PNN: variants seen among roughly 807,000 people sequenced by gnomAD.
PNN encodes pinin.
In PNN, 38 loss-of-function variants were observed where a neutral mutation model predicts 76.6. The ratio of observed to expected loss-of-function variants is 0.50; its 90% CI spans 0.38 to 0.65. The LOEUF is 0.65. Among genes scored for constraint, PNN ranks in the 30% least tolerant of loss-of-function variants. The probability of loss-of-function intolerance (pLI) is 0.00; values close to 1 mark genes in which losing one functional copy is unlikely to be tolerated. For synonymous variants in PNN, 366 were observed against 283.7 expected (o/e 1.29, Z -2.91); for missense variants, 873 against 874.1 (o/e 1.00, Z 0.02).
At chr14:39,178,011 C>G (rs913842267) in intron 6 of PNN, 95 bp downstream of exon 6, 1 of 832,690 alleles carries the variant, frequency 1.2e-6, no homozygotes, top group Non-Finnish European at 2.0e-6. Context: ...TCTTTTAAGA[C>G]CTAACTGTAA....
chr14:39,175,759 G>T, intron 1 of PNN: 2 of 469,860 alleles, frequency 4.3e-6, no homozygotes, highest in South Asian at 2.4e-5. Flanking sequence ...ACCCTGCCGG[G>T]ACGCAACAAG....
In PNN at chr14:39,179,435, A is replaced by G. The variant is rs771707085; in HGVS notation, c.766A>G (p.Ile256Val). 38 of 1,612,968 alleles carry G rather than the reference A, an allele frequency of 2.4e-5. No individual in the cohort carries two copies. Among genetic ancestry groups the G allele is most frequent in the South Asian group, 2.3e-4 (21 of 91,012 alleles). The change falls in exon 8 of 9, where the codon ATA (isoleucine) becomes GTA (valine). Residue 256 changes from isoleucine (I) to valine (V), a missense_variant. Physicochemically the swap from Ile to Val is conservative, Grantham distance 29 (BLOSUM62 3). Transcript: ENST00000216832. ...GRMCPATQKL[I>V]EESQRKMNAL... ...AATGTGTCCAGCTACCCAAAAACTA[A>G]TAGAAGAGTCACAGAGAAAAATGAA...
rs2053249398 is a variant in PNN at position 39,178,838 on chromosome 14, A to G, written c.499-253A>G. Among the ~76,000 whole-genome samples the G allele has an allele frequency of 6.6e-6, 1 of 151,994 alleles. No individual in the cohort carries two copies. The highest frequency in any genetic ancestry group is 1.5e-5 in the Non-Finnish European group (1 of 68,002). On this transcript the variant is annotated intron_variant, in intron 6 of 8. Transcript: ENST00000216832. ...CTGCAACCTCCGCCTCTGGGGTTCA[A>G]GTGATTTCTCCTGCTTCGGCCTCCC...
At chr14:39,180,414 C>A in intron 8 of PNN, 89 bp from the exon 9 acceptor site, 1 of 1,361,938 alleles carries the variant, frequency 7.3e-7, no homozygotes, top group Non-Finnish European at 9.7e-7. Context: ...TCAGATGAAG[C>A]TTAATGACAA....
intron 3 of PNN, among the ~76,000 whole-genome samples, chr14:39,176,886 A>G (rs191132959): frequency 2.0e-5 from 3 of 152,292 alleles, no homozygotes; most frequent in Admixed American, 1.3e-4. Context: ...TACTTGAAAA[A>G]CTTAACCAGT....
At chr14:39,175,734 G>C in intron 1 of PNN, 2 of 462,804 alleles carry the variant, frequency 4.3e-6, no homozygotes, top group Non-Finnish European at 7.7e-6. Context: ...CACCCGGCCC[G>C]TTGCTGGCCC....
chr14:39,176,145 C>T lies in PNN; in HGVS notation c.181C>T (p.Leu61=), dbSNP rs1171314518. The T allele has an allele frequency of 1.9e-6, 3 of 1,581,802 alleles. No individual in the cohort carries two copies. The Admixed American group carries it at 5.0e-5, about 26-fold the overall frequency. Residue 61 remains leucine (L), a synonymous_variant, in exon 2 of 9, where the codon CTG becomes TTG. Coordinates refer to ENST00000216832, the MANE Select transcript of PNN (RefSeq NM_002687.4). ...GGGRGRGSLL[L]RRGFSDSGGG... ...AGGTAGAGGACGTGGTAGTTTATTA[C>T]TGAGGTAAGATTTCCTTTGGACTTT...
In PNN at chr14:39,179,380, A is replaced by C; in HGVS notation, c.711A>C (p.Thr237=). The change falls in exon 8 of 9, where the codon ACA becomes ACC. Residue 237 remains threonine (T), a synonymous_variant. Transcript: ENST00000216832. ...TAATTAAATATATAAGAACTAAGAC[A>C]AAGCCCCATTTGTTTTATATTCCTG... The part of the protein sequence containing the change: ...AKIIKYIRTK[T]KPHLFYIPGR... The C allele has an allele frequency of 6.2e-7, 1 of 1,611,790 alleles. No homozygotes were observed. The highest frequency in any genetic ancestry group is 8.5e-7 in the Non-Finnish European group (1 of 1,178,006).
chr14:39,181,770 A>G lies in PNN; in HGVS notation c.2061A>G (p.Arg687=). ...GSKDKNSRSD[R]KRSISESSRS... ...AGGATAAGAATTCCCGGTCCGACAG[A>G]AAGAGGTCTATATCAGAGAGTAGTC... The change falls in exon 9 of 9, where the codon AGA becomes AGG. Residue 687 remains arginine (R), a synonymous_variant. Coordinates refer to ENST00000216832, the MANE Select transcript of PNN (RefSeq NM_002687.4). 4 of 1,614,132 alleles carry G rather than the reference A, an allele frequency of 2.5e-6. No homozygotes were observed. Among genetic ancestry groups the G allele is most frequent in the Non-Finnish European group, 3.4e-6 (4 of 1,179,990 alleles).
chr14:39,179,417 C>G lies in PNN; in HGVS notation c.748C>G (p.Pro250Ala), dbSNP rs374322855. 9 of 1,612,614 alleles carry G rather than the reference C, an allele frequency of 5.6e-6. No homozygotes were observed. Among genetic ancestry groups the G allele is most frequent in the Non-Finnish European group, 7.6e-6 (9 of 1,179,004 alleles). The change falls in exon 8 of 9, where the codon CCA becomes GCA. Residue 250 changes from proline to alanine, a missense_variant. By Grantham distance (27) the Pro-to-Ala change is conservative (BLOSUM62 -1). This residue lies in a region of PNN where 712 missense variants were observed against 693.1 expected (regional missense o/e 1.03). Coordinates refer to ENST00000216832, the MANE Select transcript of PNN (RefSeq NM_002687.4). ...GTTTTATATTCCTGGAAGAATGTGT[C>G]CAGCTACCCAAAAACTAATAGAAGA... ...HLFYIPGRMC[P>A]ATQKLIEESQ...
At chr14:39,176,657 A>G (rs1480841162) in intron 3 of PNN, 62 bp downstream of exon 3, 1 of 980,840 alleles carries the variant, frequency 1.0e-6, no homozygotes, top group South Asian at 1.4e-5. Flanking sequence ...ACAAATATAA[A>G]TGTTTATTAA....
chr14:39,179,593 A>C, intron 8 of PNN, 131 bp downstream of exon 8: 1 of 799,492 alleles, frequency 1.3e-6, no homozygotes, highest in Non-Finnish European at 1.9e-6. Context: ...TTTTTTAAAT[A>C]AGATAATAAG....
rs371204121 is a variant in PNN at position 39,182,330 on chromosome 14, C to T, written c.*467C>T. 1 of 153,576 alleles carries T rather than the reference C, an allele frequency of 6.5e-6. No homozygotes were observed. Among genetic ancestry groups the T allele is most frequent in the South Asian group, 2.0e-4 (1 of 4,916 alleles). The allele number at this position is 153,576 out of a possible 1,614,324, so 9.5% of individuals were successfully genotyped here. ...TCAGCTTTTAACACTAGATACTGCACGTGATTAGAATGTTTTTGAAGGTTT... is the reference window on the plus strand; with the variant it reads ...TCAGCTTTTAACACTAGATACTGCATGTGATTAGAATGTTTTTGAAGGTTT... On this transcript the variant is annotated 3_prime_UTR_variant, in exon 9 of 9. Coordinates refer to ENST00000216832, the MANE Select transcript of PNN (RefSeq NM_002687.4).
rs2053277820 is a variant in PNN, at chr14:39,182,557, T to TC, written c.*696dup. The TC allele has an allele frequency of 6.6e-6, 1 of 152,576 alleles. No homozygotes were observed. Among genetic ancestry groups the TC allele is most frequent in the African/African-American group, 2.4e-5 (1 of 41,476 alleles). 9.5% of individuals were successfully genotyped at this position (152,576 alleles called of 1,614,324 possible). A position where few individuals can be genotyped will look rare whatever the true frequency, so the allele number is the denominator to read the frequency against. On this transcript the variant is annotated 3_prime_UTR_variant, in exon 9 of 9. Coordinates refer to ENST00000216832, the MANE Select transcript of PNN (RefSeq NM_002687.4). ...CAGTATGATCTGGTTGGCATTTTCT[T>TC]CCTGATGATGGGAGCGTCATTCTTT... is the stretch of plus-strand genomic sequence containing the variant.
Position 39,177,609 on chromosome 14 carries a change from C to T in PNN, c.344C>T (p.Ser115Leu), listed in dbSNP as rs777760132. Residue 115 changes from serine (S) to leucine (L), a missense_variant, in exon 5 of 9, where the codon TCA (serine) becomes TTA (leucine). Ser to Leu is a moderately radical substitution (Grantham distance 145). Coordinates refer to ENST00000216832, the MANE Select transcript of PNN (RefSeq NM_002687.4). Reference protein sequence around the residue: ...DDVKKPALQSSVVATSKERTR... With the variant: ...DDVKKPALQSLVVATSKERTR... The stretch of plus-strand genomic sequence containing the variant: ...TTTCTGCAGCCAGCATTGCAGTCTT[C>T]AGTTGTAGCTACCTCCAAAGAGCGC... 1 of 1,613,642 alleles carries T rather than the reference C, an allele frequency of 6.2e-7. No individual in the cohort carries two copies. The highest frequency in any genetic ancestry group is 8.5e-7 in the Non-Finnish European group (1 of 1,179,582).
chr14:39,176,696 TTGAG>T, intron 3 of PNN, 101 bp downstream of exon 3: 1 of 754,998 alleles, frequency 1.3e-6, no homozygotes, highest in Non-Finnish European at 2.1e-6. Context: ...AATATTAAAA[TTGAG>T]TGGTATGCCA....
At chr14:39,180,354 G>T in intron 8 of PNN, 149 bp from the exon 9 acceptor site, 1 of 735,002 alleles carries the variant, frequency 1.4e-6, no homozygotes. Flanking sequence ...ATGTCAGTTT[G>T]TGGTTACTTA....
In PNN at chr14:39,180,715, G is replaced by A. The variant is rs2053262905; in HGVS notation, c.1006G>A (p.Glu336Lys). 4 of 1,598,988 alleles carry A rather than the reference G, an allele frequency of 2.5e-6. No individual in the cohort carries two copies. Among genetic ancestry groups the A allele is most frequent in the Non-Finnish European group, 2.6e-6 (3 of 1,171,406 alleles). Residue 336 changes from glutamate (E) to lysine (K), a missense_variant, in exon 9 of 9, where the codon GAG (glutamate) becomes AAG (lysine). Physicochemically the swap from Glu to Lys is moderately conservative, Grantham distance 56. Coordinates refer to ENST00000216832, the MANE Select transcript of PNN (RefSeq NM_002687.4). Reference protein sequence around the residue: ...HNDVEIEEAGEEEEKEIAIVH... With the variant: ...HNDVEIEEAGKEEEKEIAIVH... ...TGATGTAGAAATAGAGGAAGCAGGA[G>A]AGGAAGAGGAAAAGGAAATAGCGAT...
rs771402456 is a variant in PNN at position 39,181,534 on chromosome 14, A to G, written c.1825A>G (p.Ser609Gly). Residue 609 changes from serine (S) to glycine (G), a missense_variant, in exon 9 of 9, where the codon AGC (serine) becomes GGC (glycine). By Grantham distance (56) the Ser-to-Gly change is moderately conservative (BLOSUM62 0). Around this residue, in one of 3 missense-constraint regions of PNN, gnomAD observed 712 missense variants for 693.1 expected, o/e 1.03. Transcript: ENST00000216832. ...TAGTAGCAGTCGCAGTAGTTCCAGT[A>G]GCAGCTCCAGTACAAGTGGCAGCAG... is the stretch of plus-strand genomic sequence containing the variant. Reference protein sequence around the residue: ...GSSSSRSSSSSSSSTSGSSSR... With the variant: ...GSSSSRSSSSGSSSTSGSSSR... 3.1e-6 allele frequency: 5 copies of G among 1,604,882 alleles called. No homozygotes were observed. The highest frequency in any genetic ancestry group is 4.3e-6 in the Non-Finnish European group (5 of 1,175,576).
Sources: gnomAD v4.1 joint callset for allele counts (sites outside exome capture counted in the v4.1 genomes callset) on GRCh38, gnomAD v4.1.1 for gene constraint, gnomAD v4.1.1 regional missense constraint, MANE v1.5 for transcripts, NCBI Gene and HGNC (gene_info 2026-07-23, HGNC 2026-07-21) for gene names.